Variants in ANKS1B observed in about 807,000 individuals in gnomAD.
ANKS1B encodes ankyrin repeat and sterile alpha motif domain containing 1B.
A neutral mutation model predicts 148.3 loss-of-function variants in ANKS1B; 36 were observed. The observed-to-expected ratio is 0.24, with a 90% CI of 0.19 to 0.32. The LOEUF is 0.32. Ranked by LOEUF, ANKS1B falls within the 10% of genes least tolerant of loss-of-function variation. The pLI, the probability that ANKS1B is intolerant of heterozygous loss-of-function variation, is 1.00. For synonymous variants in ANKS1B, 542 were observed against 560.8 expected (o/e 0.97, Z 0.47); for missense variants, 1,157 against 1,542.6 (o/e 0.75, Z 4.19).
At chr12:99,944,656 C>T (rs1472608877) in intron 1 of ANKS1B, among the ~76,000 whole-genome samples, 1 of 152,086 alleles carries the variant, frequency 6.6e-6, no homozygotes, top group Non-Finnish European at 1.5e-5. Flanking sequence ...AGTTGCAGGA[C>T]CTCTCCAAGA....
At chr12:98,813,155 G>C (rs1425139807) in intron 19 of ANKS1B, among the ~76,000 whole-genome samples, 2 of 151,872 alleles carry the variant, frequency 1.3e-5, no homozygotes, top group Non-Finnish European at 2.9e-5. Context: ...TATAATACCA[G>C]TCATAAAATT....
rs888198303 is a variant in ANKS1B, at chr12:98,855,604, G to A, written c.2779-23468C>T. 7.2e-5 allele frequency among the ~76,000 whole-genome samples: 11 copies of A among 152,120 alleles called. 1 individual carries two copies. Among genetic ancestry groups the A allele is most frequent in the Admixed American group, 7.2e-4 (11 of 15,276 alleles). The stretch of plus-strand genomic sequence containing the variant: ...CTATTAATAAATGAAGAAAATATAC[G>A]CAGGATAAAATAAACTGTTTTTCAT... On this transcript the variant is annotated intron_variant, in intron 17 of 26. Coordinates refer to ENST00000683438, the MANE Select transcript of ANKS1B (RefSeq NM_001352186.2).
intron 11 of ANKS1B, among the ~76,000 whole-genome samples, chr12:99,415,539 G>C (rs376060439): frequency 6.6e-6 from 1 of 152,106 alleles, no homozygotes; most frequent in East Asian, 1.9e-4. Context: ...AATAATTGTA[G>C]ATTCATATGC....
At chr12:99,044,948 G>A (rs1482350869) in intron 17 of ANKS1B, among the ~76,000 whole-genome samples, 1 of 152,124 alleles carries the variant, frequency 6.6e-6, no homozygotes, top group African/African-American at 2.4e-5. Flanking sequence ...CAAGTGACCT[G>A]ATTCCAAGCT....
At chr12:98,885,772 A>G (rs759982782) in intron 17 of ANKS1B, among the ~76,000 whole-genome samples, 22 of 152,226 alleles carry the variant, frequency 1.4e-4, no homozygotes, top group Non-Finnish European at 3.1e-4. Flanking sequence ...GATTGCATAC[A>G]GCTTGAGTTG....
At chr12:99,476,243 A>G (rs2096318481) in intron 10 of ANKS1B, among the ~76,000 whole-genome samples, 1 of 152,110 alleles carries the variant, frequency 6.6e-6, no homozygotes, top group African/African-American at 2.4e-5. Flanking sequence ...AAATAGAAAA[A>G]TTAGCTACAC....
intron 15 of ANKS1B, among the ~76,000 whole-genome samples, chr12:99,139,047 G>A (rs968545625): frequency 6.8e-6 from 1 of 146,520 alleles, no homozygotes; most frequent in Non-Finnish European, 1.5e-5. Context: ...AGTTTCCCAG[G>A]CTAGAATGCA....
intron 12 of ANKS1B, 142 bp from the exon 13 acceptor site, chr12:99,247,006 C>T: frequency 1.5e-6 from 1 of 678,466 alleles, no homozygotes; most frequent in Non-Finnish European, 2.5e-6. Flanking sequence ...TGAAATACCC[C>T]TGACCCCACA....
intron 17 of ANKS1B, among the ~76,000 whole-genome samples, chr12:98,907,051 G>A (rs1183732370): frequency 6.7e-6 from 1 of 148,442 alleles, no homozygotes; most frequent in Non-Finnish European, 1.5e-5. Flanking sequence ...GTGTGTGTAT[G>A]TATGGTGAGA....
chr12:99,367,603 C>G (rs1258981285), intron 12 of ANKS1B, among the ~76,000 whole-genome samples: 4 of 152,110 alleles, frequency 2.6e-5, no homozygotes, highest in Admixed American at 2.6e-4. Context: ...CTGTAAAAGG[C>G]TGCAAGTAAT....
At chr12:99,151,130 G>T (rs566097086) in intron 15 of ANKS1B, among the ~76,000 whole-genome samples, 5 of 152,208 alleles carry the variant, frequency 3.3e-5, no homozygotes, top group African/African-American at 1.2e-4. Flanking sequence ...CAAAGGAAAA[G>T]TTGTTTGAAA....
chr12:99,057,937 G>T (rs2040840390), intron 16 of ANKS1B, among the ~76,000 whole-genome samples: 1 of 152,184 alleles, frequency 6.6e-6, no homozygotes, highest in Non-Finnish European at 1.5e-5. Flanking sequence ...AAGTCCAGAT[G>T]AAGTTAGCTG....
chr12:99,820,386 T>C (rs950733621), intron 2 of ANKS1B, among the ~76,000 whole-genome samples: 6 of 151,768 alleles, frequency 4.0e-5, no homozygotes, highest in Non-Finnish European at 8.8e-5. Context: ...ATGTTGGGGG[T>C]AGGGGGACAG....
intron 9 of ANKS1B, among the ~76,000 whole-genome samples, chr12:99,622,242 A>C (rs1452422607): frequency 3.3e-5 from 5 of 152,090 alleles, no homozygotes; most frequent in Non-Finnish European, 7.4e-5. Context: ...CAGCAAAAGC[A>C]CTGTTAGTAG....
chr12:99,327,609 G>C (rs532013113), intron 12 of ANKS1B, among the ~76,000 whole-genome samples: 1 of 148,554 alleles, frequency 6.7e-6, no homozygotes, highest in African/African-American at 2.5e-5. Context: ...GACTCTGTGT[G>C]TTAGGGAGGT....
At chr12:99,050,699 T>C (rs972553194) in intron 17 of ANKS1B, among the ~76,000 whole-genome samples, 12 of 146,002 alleles carry the variant, frequency 8.2e-5, no homozygotes, top group African/African-American at 3.0e-4. Context: ...TCTTTTTTTT[T>C]TTTTTTTTTT....
intron 14 of ANKS1B, among the ~76,000 whole-genome samples, chr12:99,156,085 C>G (rs951280699): frequency 1.3e-5 from 2 of 151,928 alleles, no homozygotes; most frequent in African/African-American, 4.8e-5. Context: ...TTTCCTCAAA[C>G]CTCATCTTTC....
intron 12 of ANKS1B, among the ~76,000 whole-genome samples, chr12:99,377,239 C>CTCGT (rs1156549218): frequency 6.6e-6 from 1 of 152,126 alleles, no homozygotes; most frequent in Non-Finnish European, 1.5e-5. Context: ...ATCTCTTGAC[C>CTCGT]TCGTGATCTG....
chr12:99,294,217 C>T (rs1440081417), intron 12 of ANKS1B, among the ~76,000 whole-genome samples: 1 of 152,184 alleles, frequency 6.6e-6, no homozygotes, highest in African/African-American at 2.4e-5. Flanking sequence ...AGACAGATAT[C>T]TGCACTCCTA....
Sources: gnomAD v4.1 joint callset for allele counts (sites outside exome capture counted in the v4.1 genomes callset) on GRCh38, gnomAD v4.1.1 for gene constraint, MANE v1.5 for transcripts, NCBI Gene and HGNC (gene_info 2026-07-23, HGNC 2026-07-21) for gene names.